Variants in CACNA1I observed in about 807,000 individuals in gnomAD.
The protein encoded by CACNA1I is voltage-dependent T-type calcium channel subunit alpha-1I.
A neutral mutation model predicts 201.6 loss-of-function variants in CACNA1I; 74 were observed. That is an observed-to-expected ratio of 0.37 (90% CI 0.30 to 0.45). The LOEUF (loss-of-function observed/expected upper bound fraction) is 0.45. CACNA1I is among the 20% of genes least tolerant of loss of function. CACNA1I has a pLI of 1.00. For synonymous variants in CACNA1I, 1,431 were observed against 1,345.2 expected, an observed-to-expected ratio of 1.06 and a Z score of -1.40; for missense variants, 2,346 against 3,138.1, an observed-to-expected ratio of 0.75 and a Z score of 6.03.
chr22:39,659,614 C>A lies in CACNA1I; in HGVS notation c.2448+64C>A. ...GATGGGACAGTAGGCCTGGGAGGGG[C>A]GGGGCTGACAACTCCCATGCCTCCT... On this transcript the variant is annotated intron_variant, in intron 13 of 36. Transcript: ENST00000402142. The surrounding 1 kb of genome is among the most constrained non-coding windows in gnomAD (Gnocchi z 4.3). The A allele has an allele frequency of 6.3e-7, 1 of 1,593,118 alleles. No individual in the cohort carries two copies. Among genetic ancestry groups the A allele is most frequent in the Admixed American group, 1.7e-5 (1 of 59,890 alleles).
rs1651525677 is a variant in CACNA1I, at chr22:39,649,257, G to A, written c.1568-244G>A. On this transcript the variant is annotated intron_variant, in intron 9 of 36. Transcript: ENST00000402142. This position sits in a 1 kb window ranked among gnomAD's most constrained non-coding sequence, Gnocchi z 7.3. ...GTGCTGGGCCCATCATGTGCCTTAA[G>A]GGAGAGAATCCTCCTACAGCCTGCA... Among the ~76,000 whole-genome samples the A allele has an allele frequency of 1.3e-5, 2 of 152,186 alleles. No individual in the cohort carries two copies. The highest frequency in any genetic ancestry group is 2.1e-4 in the South Asian group (1 of 4,836).
At position 39,684,376 on chromosome 22, in the gene CACNA1I, G is replaced by A. The variant is rs763258285; in HGVS notation, c.5905G>A (p.Val1969Met). 5 of 1,613,528 alleles carry A rather than the reference G, an allele frequency of 3.1e-6. No homozygotes were observed. In the Admixed American group the frequency reaches 6.7e-5, roughly 22 times the overall value. The change falls in exon 36 of 37, where the codon GTG becomes ATG. Residue 1969 changes from valine to methionine, a missense_variant. By Grantham distance (21) the Val-to-Met change is conservative (BLOSUM62 1). This residue lies in a region of CACNA1I where 441 missense variants were observed against 555.6 expected (regional missense o/e 0.79). Coordinates refer to ENST00000402142, the MANE Select transcript of CACNA1I (RefSeq NM_021096.4). The surrounding 1 kb of genome is among the most constrained non-coding windows in gnomAD (Gnocchi z 4.6). ...GCCAGCCGAGTTCTTCCACCCTGCA[G>A]TGTCTGCCAGCCAGAAAGGCCCAGA... The part of the protein sequence containing the change: ...PMPAEFFHPA[V>M]SASQKGPEKG...
chr22:39,574,718 C>G (rs1448865955), intron 1 of CACNA1I, among the ~76,000 whole-genome samples: 1 of 152,164 alleles, frequency 6.6e-6, no homozygotes, highest in Non-Finnish European at 1.5e-5. Flanking sequence ...TTTCACATGT[C>G]TAGACCCTGC....
chr22:39,647,162 CGG>C, intron 8 of CACNA1I, among the ~76,000 whole-genome samples: 2 of 151,900 alleles, frequency 1.3e-5, no homozygotes, highest in South Asian at 4.1e-4. Flanking sequence ...AGATCGGCCT[CGG>C]AGGAAGCCAC....
At position 39,677,925 on chromosome 22, in the gene CACNA1I, G is replaced by C. The variant is rs1056251573; in HGVS notation, c.4934-62G>C. 6 of 1,515,520 alleles carry C rather than the reference G, an allele frequency of 4.0e-6. No individual in the cohort carries two copies. In the African/African-American group the frequency reaches 8.2e-5, roughly 21 times the overall value. The allele number at this position is 1,515,520 out of a possible 1,614,324, so 93.9% of individuals were successfully genotyped here. On this transcript the variant is annotated intron_variant, in intron 30 of 36. Coordinates refer to ENST00000402142, the MANE Select transcript of CACNA1I (RefSeq NM_021096.4). This position sits in a 1 kb window ranked among gnomAD's most constrained non-coding sequence, Gnocchi z 4.8. ...TCTGAGGCGAGGCGGGAGGCACCAG[G>C]TCAGGGTGAGCCCCGCAGGCACTCC...
rs1372265316 is a variant in CACNA1I at position 39,603,150 on chromosome 22, T to C, written c.482+2497T>C. Among the ~76,000 whole-genome samples the C allele has an allele frequency of 3.3e-5, 3 of 90,638 alleles. No individual in the cohort carries two copies. In the East Asian group the frequency reaches 6.4e-4, roughly 19 times the overall value. 59.5% of individuals were successfully genotyped at this position (90,638 alleles called of 152,430 possible). A position where few individuals can be genotyped will look rare whatever the true frequency, so the allele number is the denominator to read the frequency against. On this transcript the variant is annotated intron_variant, in intron 3 of 36. Coordinates refer to ENST00000402142, the MANE Select transcript of CACNA1I (RefSeq NM_021096.4). ...TAGTCTTCAACAAAGCAAGACCCTG[T>C]CAAAAAAAAAAAAAAAGATTCATGC...
At chr22:39,654,384 G>C (rs1204392345) in intron 10 of CACNA1I, among the ~76,000 whole-genome samples, 1 of 152,148 alleles carries the variant, frequency 6.6e-6, no homozygotes, top group African/African-American at 2.4e-5. Flanking sequence ...CACCAAGTTG[G>C]AGAACAAAAA....
chr22:39,641,819 C>A (rs564218619), intron 6 of CACNA1I, among the ~76,000 whole-genome samples: 3 of 151,690 alleles, frequency 2.0e-5, no homozygotes, highest in South Asian at 2.1e-4. Context: ...AGAACTAGGG[C>A]AGTGGACCTT....
rs1197823404 is a variant in CACNA1I at position 39,588,146 on chromosome 22, T to G, written c.237-10005T>G. 2.7e-5 allele frequency among the ~76,000 whole-genome samples: 4 copies of G among 148,134 alleles called. No homozygotes were observed. In the East Asian group the frequency reaches 7.8e-4, roughly 29 times the overall value. ...GCTCTTCATTTTTTTTTTTTTTTTT[T>G]TTTTGAGACAAAGTCTTGCTCTGTC... On this transcript the variant is annotated intron_variant, in intron 1 of 36. Transcript: ENST00000402142.
chr22:39,642,246 C>G (rs1934369705), intron 6 of CACNA1I, among the ~76,000 whole-genome samples: 1 of 152,138 alleles, frequency 6.6e-6, no homozygotes. Context: ...CTCAGGGGGT[C>G]CCACTCTGTG....
At chr22:39,582,635 G>A (rs1382794749) in intron 1 of CACNA1I, among the ~76,000 whole-genome samples, 1 of 151,952 alleles carries the variant, frequency 6.6e-6, no homozygotes, top group Non-Finnish European at 1.5e-5. Context: ...AGGAGGAGGA[G>A]ATGGTACAGT....
At chr22:39,589,607 A>T (rs1028439273) in intron 1 of CACNA1I, among the ~76,000 whole-genome samples, 1 of 152,210 alleles carries the variant, frequency 6.6e-6, no homozygotes, top group Non-Finnish European at 1.5e-5. Flanking sequence ...AGCCTGGTTC[A>T]TCTCAGCACC....
intron 1 of CACNA1I, among the ~76,000 whole-genome samples, chr22:39,595,611 G>C (rs1330460438): frequency 7.9e-6 from 1 of 127,018 alleles, no homozygotes; most frequent in African/African-American, 3.1e-5. Context: ...GGCAATAAAA[G>C]TGAAACTCCA....
Position 39,662,820 on chromosome 22 carries a change from C to A in CACNA1I, c.3417C>A (p.Pro1139=). Reference sequence around the variant, plus strand: ...GCAAGATGATCGACGTCTATAAGCCCGACTGGTGCGAGGTCCGCGAAGACT... The same window carrying A: ...GCAAGATGATCGACGTCTATAAGCCAGACTGGTGCGAGGTCCGCGAAGACT... ...RVRKMIDVYK[P]DWCEVREDWS... is the part of the protein sequence containing the mutation. The change falls in exon 18 of 37, where the codon CCC becomes CCA. Residue 1139 remains proline, a synonymous_variant. Coordinates refer to ENST00000402142, the MANE Select transcript of CACNA1I (RefSeq NM_021096.4). 1 of 1,602,294 alleles carries A rather than the reference C, an allele frequency of 6.2e-7. No individual in the cohort carries two copies. Among genetic ancestry groups the A allele is most frequent in the South Asian group, 1.1e-5 (1 of 88,372 alleles).
chr22:39,621,225 C>A (rs544581094), intron 4 of CACNA1I, among the ~76,000 whole-genome samples: 1 of 152,318 alleles, frequency 6.6e-6, no homozygotes, highest in African/African-American at 2.4e-5. Context: ...TGTCCTCAGC[C>A]CAGTTTATTT....
Position 39,598,245 on chromosome 22 carries a change from C to A in CACNA1I, c.331C>A (p.Arg111Ser). 6.3e-7 allele frequency: 1 copy of A among 1,597,650 alleles called. No homozygotes were observed. ...CGACGACATGGACTGCCTGTCCGACCGCTGCAAGATCCTGCAGGTGAGCCG... is the reference window on the plus strand; with the variant it reads ...CGACGACATGGACTGCCTGTCCGACAGCTGCAAGATCCTGCAGGTGAGCCG... ...PCDDMDCLSD[R>S]CKILQVFDDF... Residue 111 changes from arginine (R) to serine (S), a missense_variant, in exon 2 of 37, where the codon CGC (arginine) becomes AGC (serine). By Grantham distance (110) the Arg-to-Ser change is moderately radical (BLOSUM62 -1). Around this residue, in one of 13 missense-constraint regions of CACNA1I, gnomAD observed 130 missense variants for 160.7 expected, o/e 0.81. Coordinates refer to ENST00000402142, the MANE Select transcript of CACNA1I (RefSeq NM_021096.4).
intron 3 of CACNA1I, among the ~76,000 whole-genome samples, chr22:39,618,530 C>T (rs976119858): frequency 1.1e-4 from 16 of 151,928 alleles, no homozygotes; most frequent in Non-Finnish European, 1.9e-4. Context: ...TTTCAGGGAA[C>T]GAATGGAGCT....
chr22:39,656,328 C>A, intron 10 of CACNA1I: 1 of 501,734 alleles, frequency 2.0e-6, no homozygotes, highest in South Asian at 1.4e-5. Flanking sequence ...CCTCTGCTCT[C>A]CCACCTCCCA....
At chr22:39,679,699 C>T (rs1484457739) in intron 32 of CACNA1I, 23 bp from the exon 33 acceptor site, 1 of 1,601,002 alleles carries the variant, frequency 6.2e-7, no homozygotes, top group Admixed American at 1.7e-5. Context: ...CCGCCTGTCC[C>T]CACCCCGTCC....
Sources: allele counts gnomAD v4.1 joint callset (sites outside exome capture counted in the v4.1 genomes callset), GRCh38; gene constraint gnomAD v4.1.1; regional missense constraint gnomAD v4.1.1; non-coding constraint Gnocchi (gnomAD v3.1); transcripts MANE v1.5; gene names NCBI Gene and HGNC (gene_info 2026-07-23, HGNC 2026-07-21).